Variants in CHRM3 observed in about 807,000 individuals in gnomAD.
CHRM3 encodes cholinergic receptor muscarinic 3, also known as muscarinic acetylcholine receptor M3.
CHRM3 carries 11 observed loss-of-function variants against 41.8 expected under a neutral mutation model. That is an observed-to-expected ratio of 0.26 (90% CI 0.17 to 0.44). CHRM3 has a LOEUF of 0.44. Among genes scored for constraint, CHRM3 ranks in the 20% least tolerant of loss-of-function variants. The pLI is 1.00. For synonymous variants in CHRM3, 297 were observed against 301.4 expected (o/e 0.99, Z 0.15); for missense variants, 571 against 745.4 (o/e 0.77, Z 2.72).
intron 4 of CHRM3, among the ~76,000 whole-genome samples, chr1:239,634,385 G>A (rs969817931): frequency 2.8e-5 from 4 of 143,894 alleles, no homozygotes; most frequent in African/African-American, 5.2e-5. Flanking sequence ...ACGAAAGAAA[G>A]AAAGAAAGAA....
At chr1:239,498,529 A>G (rs1221656784) in intron 2 of CHRM3, among the ~76,000 whole-genome samples, 1 of 152,180 alleles carries the variant, frequency 6.6e-6, no homozygotes, top group Non-Finnish European at 1.5e-5. Context: ...TTGGATCTAC[A>G]GAAGACCACA....
chr1:239,769,824 TGAGC>T (rs1454569701), intron 5 of CHRM3, among the ~76,000 whole-genome samples: 2 of 151,666 alleles, frequency 1.3e-5, no homozygotes, highest in Non-Finnish European at 1.5e-5. Flanking sequence ...GAGGTTGCAG[TGAGC>T]AGAGATTGCA....
At chr1:239,886,874 A>T (rs1010391431) in intron 6 of CHRM3, among the ~76,000 whole-genome samples, 1 of 152,128 alleles carries the variant, frequency 6.6e-6, no homozygotes, top group Non-Finnish European at 1.5e-5. Context: ...AACCCTCCAT[A>T]AATGTTCCTT....
intron 3 of CHRM3, among the ~76,000 whole-genome samples, chr1:239,567,026 G>A (rs996265881): frequency 1.3e-5 from 2 of 152,088 alleles, no homozygotes; most frequent in African/African-American, 2.4e-5. Flanking sequence ...ATTGAATGGA[G>A]CAATCATAGA....
chr1:239,616,418 G>T (rs1238361377), intron 3 of CHRM3, among the ~76,000 whole-genome samples: 1 of 152,100 alleles, frequency 6.6e-6, no homozygotes, highest in African/African-American at 2.4e-5. Flanking sequence ...CTTCCTCGGT[G>T]CCTTTGATCT....
At chr1:239,827,661 T>C (rs1672562734) in intron 6 of CHRM3, among the ~76,000 whole-genome samples, 1 of 152,212 alleles carries the variant, frequency 6.6e-6, no homozygotes, top group Admixed American at 6.5e-5. Context: ...ATTACTCATA[T>C]TATTTTTGCT....
chr1:239,609,853 A>G (rs1420935150), intron 3 of CHRM3, among the ~76,000 whole-genome samples: 1 of 152,054 alleles, frequency 6.6e-6, no homozygotes, highest in Non-Finnish European at 1.5e-5. Flanking sequence ...GTAGAGTGTA[A>G]TCATTCTTCA....
intron 4 of CHRM3, among the ~76,000 whole-genome samples, chr1:239,677,819 T>C (rs1486414360): frequency 1.3e-5 from 2 of 152,180 alleles, no homozygotes; most frequent in African/African-American, 2.4e-5. Context: ...AATATAAATG[T>C]CTGTATGTTA....
At chr1:239,546,606 A>G (rs1000476047) in intron 3 of CHRM3, 1 of 152,146 alleles carries the variant, frequency 6.6e-6, no homozygotes, top group African/African-American at 2.4e-5. Context: ...TTTTTGGTAT[A>G]TTTGAGAAAA....
intron 4 of CHRM3, among the ~76,000 whole-genome samples, chr1:239,674,418 C>T (rs1288068276): frequency 1.3e-5 from 2 of 152,086 alleles, no homozygotes; most frequent in African/African-American, 2.4e-5. Flanking sequence ...GCTTAATTAG[C>T]AAAATCACTG....
intron 3 of CHRM3, among the ~76,000 whole-genome samples, chr1:239,628,569 G>T (rs946234280): frequency 4.2e-5 from 3 of 70,768 alleles, no homozygotes; most frequent in African/African-American, 3.7e-4. Context: ...TTTGGAGGAG[G>T]AGAGGCGCTC....
intron 3 of CHRM3, among the ~76,000 whole-genome samples, chr1:239,582,981 C>T (rs1316617924): frequency 6.6e-6 from 1 of 152,180 alleles, no homozygotes; most frequent in Non-Finnish European, 1.5e-5. Flanking sequence ...CCAGTCTGTG[C>T]TCCTCTCAAT....
intron 5 of CHRM3, among the ~76,000 whole-genome samples, chr1:239,765,841 A>C (rs1316037851): frequency 7.2e-6 from 1 of 139,728 alleles, no homozygotes; most frequent in Non-Finnish European, 1.5e-5. Flanking sequence ...TTTGAGATGG[A>C]GTTTCGCTCT....
chr1:239,806,073 T>C (rs1351962425), intron 5 of CHRM3, among the ~76,000 whole-genome samples: 4 of 152,156 alleles, frequency 2.6e-5, no homozygotes, highest in Non-Finnish European at 5.9e-5. Flanking sequence ...TTGGCATAGG[T>C]CCACTTCAAA....
intron 6 of CHRM3, among the ~76,000 whole-genome samples, chr1:239,845,880 G>A (rs888695668): frequency 6.6e-6 from 1 of 152,094 alleles, no homozygotes; most frequent in Admixed American, 6.5e-5. Flanking sequence ...TTTTTCCAAA[G>A]TATCACTCTT....
intron 5 of CHRM3, chr1:239,703,767 G>A (rs1025584201): frequency 6.6e-5 from 10 of 152,050 alleles, no homozygotes; most frequent in African/African-American, 1.2e-4. Flanking sequence ...ACTCTGTGTC[G>A]GGTTTTGGAG....
intron 3 of CHRM3, among the ~76,000 whole-genome samples, chr1:239,601,946 C>T (rs1366969094): frequency 6.6e-6 from 1 of 151,582 alleles, no homozygotes. Flanking sequence ...TATAAGTGCC[C>T]ATAATGTCAA....
intron 5 of CHRM3, among the ~76,000 whole-genome samples, chr1:239,764,680 G>A (rs1572219078): frequency 6.6e-6 from 1 of 152,168 alleles, no homozygotes; most frequent in Non-Finnish European, 1.5e-5. Flanking sequence ...ATGTTAACAG[G>A]CAAATCTCCA....
Position 239,639,932 on chromosome 1 carries a change from T to C in CHRM3, c.-250+7646T>C, listed in dbSNP as rs375739467. Among the ~76,000 whole-genome samples the C allele has an allele frequency of 3.2e-3, 474 of 148,706 alleles. 3 individuals are homozygous for C. The highest frequency in any genetic ancestry group is 4.6e-3 in the Non-Finnish European group (307 of 66,292). On this transcript the variant is annotated intron_variant, in intron 4 of 6. Transcript: ENST00000676153. ...AGATAGCTCTTATTATTTTGAGATATGTCCCATCAATACCTAATTTATTGA... is the reference window on the plus strand; with the variant it reads ...AGATAGCTCTTATTATTTTGAGATACGTCCCATCAATACCTAATTTATTGA...
Sources: gnomAD v4.1 joint callset for allele counts (sites outside exome capture counted in the v4.1 genomes callset) on GRCh38, gnomAD v4.1.1 for gene constraint, MANE v1.5 for transcripts, NCBI Gene and HGNC (gene_info 2026-07-23, HGNC 2026-07-21) for gene names.